Variants in SORCS2 observed in about 807,000 individuals in gnomAD.
The protein encoded by SORCS2 is VPS10 domain-containing receptor SorCS2.
In SORCS2, 100 loss-of-function variants were observed where a neutral mutation model predicts 141.6. The ratio of observed to expected loss-of-function variants is 0.71; its 90% CI spans 0.60 to 0.83. The LOEUF (loss-of-function observed/expected upper bound fraction) is 0.83, where lower values mean the gene tolerates loss of function less well. Ranked by LOEUF, SORCS2 falls within the 40% of genes least tolerant of loss-of-function variation. The pLI is 0.00. For synonymous variants in SORCS2, 789 were observed against 676.9 expected (o/e 1.17, Z -2.57); for missense variants, 1,646 against 1,560.2 (o/e 1.05, Z -0.93).
intron 1 of SORCS2, among the ~76,000 whole-genome samples, chr4:7,266,122 A>G (rs1714710349): frequency 6.6e-6 from 1 of 151,998 alleles, no homozygotes; most frequent in Admixed American, 6.5e-5. Flanking sequence ...CCCTGGTGCC[A>G]CAGAGCTGAG....
chr4:7,375,767 G>C (rs897565600), intron 1 of SORCS2, among the ~76,000 whole-genome samples: 8 of 152,214 alleles, frequency 5.3e-5, no homozygotes, highest in Non-Finnish European at 1.5e-5. Flanking sequence ...GAGGATTATT[G>C]GCTGCCGGCA....
chr4:7,398,139 G>C (rs185132533), intron 2 of SORCS2, among the ~76,000 whole-genome samples: 1 of 152,014 alleles, frequency 6.6e-6, no homozygotes. Context: ...CTTAGTTTAC[G>C]TTTGCTGGAG....
intron 1 of SORCS2, among the ~76,000 whole-genome samples, chr4:7,253,065 C>A (rs1303545894): frequency 2.0e-5 from 3 of 152,208 alleles, no homozygotes; most frequent in Admixed American, 2.0e-4. Flanking sequence ...CTGGGCTCAG[C>A]CCCCCATGGC....
intron 4 of SORCS2, among the ~76,000 whole-genome samples, chr4:7,639,975 G>A (rs111066755): frequency 0.046 from 7,023 of 151,726 alleles, 539 homozygotes; most frequent in African/African-American, 0.16. Context: ...GAATCTGAGT[G>A]TAGATGTGAG....
chr4:7,581,896 T>C (rs971797920), intron 3 of SORCS2, among the ~76,000 whole-genome samples: 1 of 152,236 alleles, frequency 6.6e-6, no homozygotes, highest in Non-Finnish European at 1.5e-5. Flanking sequence ...TGTTTTTAAA[T>C]TTCTTAATAT....
intron 8 of SORCS2, among the ~76,000 whole-genome samples, chr4:7,668,277 A>T (rs1722613073): frequency 6.6e-6 from 1 of 152,030 alleles, no homozygotes; most frequent in Admixed American, 6.5e-5. Context: ...CGTGTGTATG[A>T]GTGTGTATGT....
chr4:7,606,568 A>G (rs962021682), intron 3 of SORCS2, among the ~76,000 whole-genome samples: 2 of 152,014 alleles, frequency 1.3e-5, no homozygotes, highest in Non-Finnish European at 2.9e-5. Flanking sequence ...GTAGCTCCTG[A>G]ACCTCCTCAG....
Position 7,656,274 on chromosome 4 carries a change from C to T in SORCS2, c.887+2067C>T, listed in dbSNP as rs117469559. On this transcript the variant is annotated intron_variant, in intron 5 of 26. Transcript: ENST00000507866. Reference sequence around the variant, plus strand: ...GCCCCAGGTGCCCTGATACCTGCTGCCTCCTGGGCAGGGCCGCGGGTACCC... The same window carrying T: ...GCCCCAGGTGCCCTGATACCTGCTGTCTCCTGGGCAGGGCCGCGGGTACCC... 4.3e-3 allele frequency among the ~76,000 whole-genome samples: 655 copies of T among 152,328 alleles called. 9 individuals are homozygous for T. The highest frequency in any genetic ancestry group is 0.024 in the East Asian group (125 of 5,168).
intron 14 of SORCS2, among the ~76,000 whole-genome samples, chr4:7,705,370 G>A (rs578218593): frequency 6.6e-6 from 1 of 152,242 alleles, no homozygotes; most frequent in Non-Finnish European, 1.5e-5. Context: ...GCTTCAGGGT[G>A]GGAGAGCATG....
At chr4:7,586,430 C>T (rs1199865502) in intron 3 of SORCS2, among the ~76,000 whole-genome samples, 2 of 152,160 alleles carry the variant, frequency 1.3e-5, no homozygotes, top group Non-Finnish European at 2.9e-5. Flanking sequence ...ACCCATCACC[C>T]AGGTATTAAG....
intron 1 of SORCS2, among the ~76,000 whole-genome samples, chr4:7,380,604 CT>C (rs1314879841): frequency 7.2e-5 from 11 of 152,272 alleles, no homozygotes; most frequent in Non-Finnish European, 8.8e-5. Context: ...TCATCCTCTG[CT>C]GACCCGTGGC....
At chr4:7,711,820 G>C (rs1419480149) in intron 14 of SORCS2, among the ~76,000 whole-genome samples, 7 of 152,206 alleles carry the variant, frequency 4.6e-5, no homozygotes, top group Non-Finnish European at 7.3e-5. Context: ...TGCATGCATA[G>C]CTTCCAGCAC....
Position 7,420,666 on chromosome 4 carries a change from G to A in SORCS2, c.548+24311G>A, listed in dbSNP as rs550843770. 2.2e-3 allele frequency among the ~76,000 whole-genome samples: 330 copies of A among 152,224 alleles called. 1 individual carries two copies. Among genetic ancestry groups the A allele is most frequent in the Non-Finnish European group, 3.8e-3 (258 of 68,010 alleles). ...CTTTCCTGACGCCACTGAGCCCATT[G>A]CCTCCCCTGAGCCCCGTGCCCCATC... On this transcript the variant is annotated intron_variant, in intron 2 of 26. Coordinates refer to ENST00000507866, the MANE Select transcript of SORCS2 (RefSeq NM_020777.3).
At chr4:7,590,174 A>C (rs957031761) in intron 3 of SORCS2, among the ~76,000 whole-genome samples, 4 of 152,226 alleles carry the variant, frequency 2.6e-5, no homozygotes, top group African/African-American at 9.6e-5. Context: ...ATGAAGAAGA[A>C]ACAGTAAACT....
At chr4:7,498,621 G>A (rs564807754) in intron 2 of SORCS2, among the ~76,000 whole-genome samples, 130 of 152,356 alleles carry the variant, frequency 8.5e-4, no homozygotes, top group Non-Finnish European at 1.5e-3. Context: ...GGCCTGGGCA[G>A]CAGGGGATCA....
At chr4:7,294,674 CCT>C (rs1716843397) in intron 1 of SORCS2, among the ~76,000 whole-genome samples, 1 of 136,086 alleles carries the variant, frequency 7.3e-6, no homozygotes, top group African/African-American at 2.8e-5. Context: ...TCTCCCTCCT[CCT>C]CCTCCTCCTC....
chr4:7,309,737 G>A (rs1029691831), intron 1 of SORCS2, among the ~76,000 whole-genome samples: 1 of 152,186 alleles, frequency 6.6e-6, no homozygotes, highest in African/African-American at 2.4e-5. Context: ...AAGCGTGGGC[G>A]GGGACGAGAG....
rs766671094 is a variant in SORCS2, at chr4:7,664,185, G to A, written c.953-168G>A. On this transcript the variant is annotated intron_variant, in intron 6 of 26. Coordinates refer to ENST00000507866, the MANE Select transcript of SORCS2 (RefSeq NM_020777.3). The surrounding 1 kb of genome is among the most constrained non-coding windows in gnomAD (Gnocchi z 4.7). ...AGAGTGCAGGTGGCCCACAGTGAGC[G>A]AGGATGACACCCTCAGCCGCAGGTG... 1.3e-5 allele frequency among the ~76,000 whole-genome samples: 2 copies of A among 152,134 alleles called. No homozygotes were observed. The highest frequency in any genetic ancestry group is 2.9e-5 in the Non-Finnish European group (2 of 68,026).
At chr4:7,724,144 G>GGTGGTGATA (rs1560112950) in intron 19 of SORCS2, among the ~76,000 whole-genome samples, 9 of 128,466 alleles carry the variant, frequency 7.0e-5, no homozygotes, top group African/African-American at 2.7e-4. Flanking sequence ...TGGTGGTGAT[G>GGTGGTGATA]GTCGTGGTGG....
Sources: allele counts gnomAD v4.1 joint callset (sites outside exome capture counted in the v4.1 genomes callset), GRCh38; gene constraint gnomAD v4.1.1; non-coding constraint Gnocchi (gnomAD v3.1); transcripts MANE v1.5; gene names NCBI Gene and HGNC (gene_info 2026-07-23, HGNC 2026-07-21).